Variants in RNF125 observed in about 807,000 individuals in gnomAD.
RNF125 encodes ring finger protein 125.
RNF125 carries 21 observed loss-of-function variants against 26.0 expected under a neutral mutation model. The ratio of observed to expected loss-of-function variants is 0.81; its 90% CI spans 0.57 to 1.16. The LOEUF (loss-of-function observed/expected upper bound fraction) is 1.16, where lower values mean the gene tolerates loss of function less well. RNF125 is among the 50% of genes most tolerant of loss of function. The probability of loss-of-function intolerance (pLI) is 0.00; values close to 1 mark genes in which losing one functional copy is unlikely to be tolerated. For synonymous variants in RNF125, 95 were observed against 109.2 expected (o/e 0.87, Z 0.81); for missense variants, 270 against 299.4 (o/e 0.90, Z 0.72).
intron 1 of RNF125, among the ~76,000 whole-genome samples, chr18:32,028,329 TA>T (rs2039059195): frequency 1.0e-5 from 1 of 100,394 alleles, no homozygotes; most frequent in Non-Finnish European, 2.0e-5. Flanking sequence ...AAAAAAATAA[TA>T]GGTAGTGGTT....
chr18:32,063,227 CAA>C (rs34268640), intron 4 of RNF125, among the ~76,000 whole-genome samples: 7 of 98,918 alleles, frequency 7.1e-5, no homozygotes, highest in Admixed American at 1.2e-4. Flanking sequence ...AACTCCATTT[CAA>C]AAAAAAAAAA....
rs544061950 is a variant in RNF125 at position 32,052,949 on chromosome 18, A to G, written c.504+7217A>G. On this transcript the variant is annotated intron_variant, in intron 4 of 5. Coordinates refer to ENST00000217740, the MANE Select transcript of RNF125 (RefSeq NM_017831.4). ...AATATGGTGTTCTTGCATATATGCT[A>G]TTAGAACTTAAGAAAAGGGTACCAG... Among the ~76,000 whole-genome samples, 5 of 152,368 alleles carry G rather than the reference A, an allele frequency of 3.3e-5. No individual in the cohort carries two copies. In the South Asian group the frequency reaches 8.3e-4, roughly 25 times the overall value.
chr18:32,086,874 A>G, the RNF125 span, among the ~76,000 whole-genome samples: 1 of 152,002 alleles, frequency 6.6e-6, no homozygotes, highest in Non-Finnish European at 1.5e-5. Context: ...CTGGTCTCAA[A>G]TTCCTGACCT....
At chr18:32,034,304 G>A (rs181442679) in intron 1 of RNF125, among the ~76,000 whole-genome samples, 10 of 152,256 alleles carry the variant, frequency 6.6e-5, no homozygotes, top group Admixed American at 2.0e-4. Context: ...TCACCTTGGC[G>A]TTATCTCCTT....
intron 4 of RNF125, among the ~76,000 whole-genome samples, chr18:32,057,494 C>T (rs1187776696): frequency 6.6e-6 from 1 of 152,026 alleles, no homozygotes; most frequent in Non-Finnish European, 1.5e-5. Context: ...GCCTCCACAC[C>T]TGGCTAATTT....
chr18:32,088,003 CTCT>C, the RNF125 span, among the ~76,000 whole-genome samples: 1 of 152,184 alleles, frequency 6.6e-6, no homozygotes, highest in Admixed American at 6.5e-5. Flanking sequence ...ATTTGTTTGC[CTCT>C]TCTTTGGATT....
rs1377404973 is a variant in RNF125 at position 32,073,205 on chromosome 18, ATTCTT to A, written c.*4822_*4826del. 6.6e-6 allele frequency: 1 copy of A among 152,190 alleles called. No individual in the cohort carries two copies. Among genetic ancestry groups the A allele is most frequent in the African/African-American group, 2.4e-5 (1 of 41,458 alleles). The allele number at this position is 152,190 out of a possible 1,614,324, so 9.4% of individuals were successfully genotyped here. On this transcript the variant is annotated 3_prime_UTR_variant, in exon 6 of 6. Coordinates refer to ENST00000217740, the MANE Select transcript of RNF125 (RefSeq NM_017831.4). Reference sequence around the variant, plus strand: ...TTTTATTAAAATATCTACTGTGTCTATTCTTAAACATTAATCTTGATTACTATTTT... The same window carrying A: ...TTTTATTAAAATATCTACTGTGTCTAAAACATTAATCTTGATTACTATTTT...
chr18:32,037,406 C>G, intron 2 of RNF125, 137 bp downstream of exon 2: 1 of 506,378 alleles, frequency 2.0e-6, no homozygotes, highest in East Asian at 3.9e-5. Context: ...GGTTCTCGCT[C>G]TTTCACCCAG....
At chr18:32,090,183 T>C in the RNF125 span, among the ~76,000 whole-genome samples, 5 of 152,152 alleles carry the variant, frequency 3.3e-5, no homozygotes, top group Admixed American at 6.5e-5. Flanking sequence ...AAGGCGCAGG[T>C]TGAAGTGAGC....
At chr18:32,053,902 TA>T (rs2039353695) in intron 4 of RNF125, among the ~76,000 whole-genome samples, 2 of 151,802 alleles carry the variant, frequency 1.3e-5, no homozygotes, top group Admixed American at 6.6e-5. Context: ...TCAGAAAGAC[TA>T]GGGGGGGAGA....
chr18:32,065,533 G>C (rs12326524), intron 4 of RNF125, among the ~76,000 whole-genome samples: 6 of 151,904 alleles, frequency 3.9e-5, no homozygotes, highest in African/African-American at 1.5e-4. Flanking sequence ...ACTGCACCCC[G>C]TCTTGTTTTG....
chr18:32,058,392 C>G (rs1486975712), intron 4 of RNF125, among the ~76,000 whole-genome samples: 2 of 151,916 alleles, frequency 1.3e-5, no homozygotes, highest in Non-Finnish European at 2.9e-5. Flanking sequence ...GTCGCCCAGG[C>G]TAGAGTGCAG....
Position 32,065,884 on chromosome 18 carries a change from G to C in RNF125, c.505-18G>C. 6.6e-7 allele frequency: 1 copy of C among 1,522,452 alleles called. No individual in the cohort carries two copies. The highest frequency in any genetic ancestry group is 9.1e-7 in the Non-Finnish European group (1 of 1,099,368). 94.3% of individuals were successfully genotyped at this position (1,522,452 alleles called of 1,614,324 possible). Reference sequence around the variant, plus strand: ...ATTTTAAATTCTTTCTTGAACCCCTGGTCTTGTTTGTTTCCAGTTCTGTCC... The same window carrying C: ...ATTTTAAATTCTTTCTTGAACCCCTCGTCTTGTTTGTTTCCAGTTCTGTCC... On this transcript the variant is annotated intron_variant, in intron 4 of 5. Coordinates refer to ENST00000217740, the MANE Select transcript of RNF125 (RefSeq NM_017831.4).
At chr18:32,063,552 C>T (rs918482347) in intron 4 of RNF125, among the ~76,000 whole-genome samples, 7 of 152,118 alleles carry the variant, frequency 4.6e-5, no homozygotes, top group African/African-American at 1.7e-4. Flanking sequence ...ATCATATAAC[C>T]AGGCAATCAC....
chr18:32,054,073 G>T (rs77869153), intron 4 of RNF125, among the ~76,000 whole-genome samples: 11,642 of 146,800 alleles, frequency 0.079, 1,575 homozygotes, highest in African/African-American at 0.28. Context: ...TCATGCCTGT[G>T]AAGACATTTG....
At chr18:32,048,034 G>T (rs1374496695) in intron 4 of RNF125, among the ~76,000 whole-genome samples, 3 of 151,232 alleles carry the variant, frequency 2.0e-5, no homozygotes, top group African/African-American at 7.3e-5. Flanking sequence ...AGGCTGAGGT[G>T]GGAGGATTGC....
rs80310152 is a variant in RNF125 at position 32,059,199 on chromosome 18, T to A, written c.505-6703T>A. On this transcript the variant is annotated intron_variant, in intron 4 of 5. Coordinates refer to ENST00000217740, the MANE Select transcript of RNF125 (RefSeq NM_017831.4). Reference sequence around the variant, plus strand: ...TCAGTTTTTTGAGGAACCTCTAAATTCTTCTCCGTAGTAGTTGTACTAATT... The same window carrying A: ...TCAGTTTTTTGAGGAACCTCTAAATACTTCTCCGTAGTAGTTGTACTAATT... 7.9e-3 allele frequency among the ~76,000 whole-genome samples: 1,201 copies of A among 152,340 alleles called. 18 individuals carry two copies. Among genetic ancestry groups the A allele is most frequent in the African/African-American group, 0.027 (1,141 of 41,576 alleles).
the RNF125 span, among the ~76,000 whole-genome samples, chr18:32,090,034 C>A: frequency 6.6e-6 from 1 of 152,152 alleles, no homozygotes; most frequent in African/African-American, 2.4e-5. Context: ...TCGCTGGAGG[C>A]CAGGAGTTCG....
intron 1 of RNF125, among the ~76,000 whole-genome samples, chr18:32,029,869 G>C (rs2039075480): frequency 6.6e-6 from 1 of 152,028 alleles, no homozygotes; most frequent in African/African-American, 2.4e-5. Context: ...GAATAGACTG[G>C]GGGAAAGAGA....
Sources: gnomAD v4.1 joint callset for allele counts (sites outside exome capture counted in the v4.1 genomes callset) on GRCh38, gnomAD v4.1.1 for gene constraint, MANE v1.5 for transcripts, NCBI Gene and HGNC (gene_info 2026-07-23, HGNC 2026-07-21) for gene names.